Variants in SHC3 observed in about 807,000 individuals in gnomAD.
SHC3 encodes SHC adaptor protein 3, also known as SHC-transforming protein 3.
SHC3 carries 15 observed loss-of-function variants against 60.4 expected under a neutral mutation model. The observed-to-expected ratio is 0.25, with a 90% CI of 0.17 to 0.38. The LOEUF is 0.38. Among genes scored for constraint, SHC3 ranks in the 10% least tolerant of loss-of-function variants. The probability of loss-of-function intolerance (pLI) is 1.00; values close to 1 mark genes in which losing one functional copy is unlikely to be tolerated. For synonymous variants in SHC3, 294 were observed against 325.9 expected (o/e 0.90, Z 1.05); for missense variants, 677 against 786.1 (o/e 0.86, Z 1.66).
In SHC3 at chr9:89,126,031, T is replaced by C. The variant is rs1826159601; in HGVS notation, c.475-13405A>G. Among the ~76,000 whole-genome samples the C allele has an allele frequency of 3.9e-5, 6 of 152,182 alleles. No homozygotes were observed. In the South Asian group the frequency reaches 1.2e-3, roughly 32 times the overall value. On this transcript the variant is annotated intron_variant, in intron 1 of 11. Transcript: ENST00000375835. ...TGTGCGAGATCCAAGAACCCTCTCTTGGGATCTGGATCAGGACCACGTTCA... is the reference window on the plus strand; with the variant it reads ...TGTGCGAGATCCAAGAACCCTCTCTCGGGATCTGGATCAGGACCACGTTCA...
intron 2 of SHC3, among the ~76,000 whole-genome samples, chr9:89,108,632 G>A (rs796537867): frequency 2.1e-4 from 32 of 152,012 alleles, no homozygotes; most frequent in African/African-American, 5.5e-4. Context: ...TCTAATTTAC[G>A]GATAAGATTT....
At chr9:89,150,580 A>G (rs986273971) in intron 1 of SHC3, among the ~76,000 whole-genome samples, 8 of 152,208 alleles carry the variant, frequency 5.3e-5, no homozygotes, top group African/African-American at 1.9e-4. Flanking sequence ...TTGTATGTAT[A>G]TACCACCTTC....
intron 11 of SHC3, among the ~76,000 whole-genome samples, chr9:89,028,456 C>T (rs1345572363): frequency 6.8e-6 from 1 of 147,584 alleles, no homozygotes; most frequent in Non-Finnish European, 1.5e-5. Flanking sequence ...AAAAGTTAAA[C>T]AATTTATATT....
chr9:89,069,635 G>GC (rs1825237471), intron 5 of SHC3, among the ~76,000 whole-genome samples: 1 of 152,242 alleles, frequency 6.6e-6, no homozygotes, highest in Admixed American at 6.5e-5. Flanking sequence ...CCTGCAGAGT[G>GC]CCCTTGGCTC....
chr9:89,127,605 G>T (rs1429345558), intron 1 of SHC3, among the ~76,000 whole-genome samples: 1 of 152,060 alleles, frequency 6.6e-6, no homozygotes, highest in African/African-American at 2.4e-5. Context: ...GACTTTGGAG[G>T]GTGTCAGAAA....
intron 1 of SHC3, among the ~76,000 whole-genome samples, chr9:89,138,197 G>A (rs763693246): frequency 3.9e-5 from 6 of 152,050 alleles, no homozygotes; most frequent in Non-Finnish European, 7.4e-5. Context: ...CCTAAGAGAG[G>A]GTTCTTGAAT....
chr9:89,172,546 GACACAGACACACACAGACACACAC>G (rs1826884427), intron 1 of SHC3, among the ~76,000 whole-genome samples: 2 of 149,330 alleles, frequency 1.3e-5, no homozygotes, highest in African/African-American at 5.0e-5. Flanking sequence ...CACACACGAA[GACACAGACACACACAGACACACAC>G]ACACAGACAC....
At chr9:89,140,339 C>T (rs976736660) in intron 1 of SHC3, among the ~76,000 whole-genome samples, 1 of 151,986 alleles carries the variant, frequency 6.6e-6, no homozygotes, top group African/African-American at 2.4e-5. Flanking sequence ...ACAGATTCCC[C>T]CCCCCAGATT....
chr9:89,112,521 T>C (rs369404249), intron 2 of SHC3, 35 bp downstream of exon 2: 5 of 1,598,272 alleles, frequency 3.1e-6, no homozygotes, highest in Non-Finnish European at 4.3e-6. Context: ...CCTTCAGAAG[T>C]AAAATCACAG....
chr9:89,023,097 C>T (rs572417884), intron 11 of SHC3, among the ~76,000 whole-genome samples: 3 of 152,162 alleles, frequency 2.0e-5, no homozygotes, highest in Non-Finnish European at 2.9e-5. Context: ...GGAGGGCAGG[C>T]GCAGGCTTCC....
chr9:89,112,166 G>A (rs1304818530), intron 2 of SHC3, among the ~76,000 whole-genome samples: 1 of 152,124 alleles, frequency 6.6e-6, no homozygotes, highest in Non-Finnish European at 1.5e-5. Flanking sequence ...TACTCTCTGT[G>A]TATACTGTTG....
intron 1 of SHC3, among the ~76,000 whole-genome samples, chr9:89,147,774 C>T (rs1826491203): frequency 6.6e-6 from 1 of 152,022 alleles, no homozygotes; most frequent in South Asian, 2.1e-4. Context: ...AGCTTTAAGG[C>T]TCTCTGGTGT....
rs944437398 is a variant in SHC3 at position 89,012,526 on chromosome 9, G to C, written c.*921C>G. On this transcript the variant is annotated 3_prime_UTR_variant, in exon 12 of 12. Coordinates refer to ENST00000375835, the MANE Select transcript of SHC3 (RefSeq NM_016848.6). ...GCTTCTCCCCTATTGTATAAGGCGGGCGGGGGACTTTACTAGCAATTACCA... is the reference window on the plus strand; with the variant it reads ...GCTTCTCCCCTATTGTATAAGGCGGCCGGGGGACTTTACTAGCAATTACCA... The C allele has an allele frequency of 9.2e-5, 14 of 152,106 alleles. No homozygotes were observed. Among genetic ancestry groups the C allele is most frequent in the African/African-American group, 3.1e-4 (13 of 41,372 alleles). The allele number at this position is 152,106 out of a possible 1,614,324, so 9.4% of individuals were successfully genotyped here.
At chr9:89,050,261 C>A (rs1824840743) in intron 7 of SHC3, among the ~76,000 whole-genome samples, 1 of 152,026 alleles carries the variant, frequency 6.6e-6, no homozygotes, top group Admixed American at 6.6e-5. Context: ...TTGTGTATAG[C>A]ATTTTTGCAT....
At chr9:89,085,123 T>C (rs1238499821) in intron 2 of SHC3, among the ~76,000 whole-genome samples, 1 of 152,234 alleles carries the variant, frequency 6.6e-6, no homozygotes, top group Non-Finnish European at 1.5e-5. Context: ...CCAAAGCTTC[T>C]GCCCTTTGGA....
intron 11 of SHC3, among the ~76,000 whole-genome samples, chr9:89,019,940 G>T (rs1448234393): frequency 6.6e-6 from 1 of 152,184 alleles, no homozygotes; most frequent in Non-Finnish European, 1.5e-5. Context: ...GAAGCTGGAG[G>T]AAGTGAGGTT....
At chr9:89,153,713 T>C (rs957040713) in intron 1 of SHC3, among the ~76,000 whole-genome samples, 2 of 152,212 alleles carry the variant, frequency 1.3e-5, no homozygotes, top group African/African-American at 2.4e-5. Flanking sequence ...TCACTTGAGC[T>C]AAAAGGCTGA....
At chr9:89,138,985 G>A (rs1364183324) in intron 1 of SHC3, among the ~76,000 whole-genome samples, 1 of 151,650 alleles carries the variant, frequency 6.6e-6, no homozygotes, top group Non-Finnish European at 1.5e-5. Flanking sequence ...ATTCCTACAC[G>A]AAGAGTACAA....
chr9:89,109,134 A>G, intron 2 of SHC3: 2 of 985,316 alleles, frequency 2.0e-6, no homozygotes, highest in East Asian at 1.1e-4. Context: ...ATCCTCTACA[A>G]ACAACATAAA....
Sources: gnomAD v4.1 joint callset for allele counts (sites outside exome capture counted in the v4.1 genomes callset) on GRCh38, gnomAD v4.1.1 for gene constraint, MANE v1.5 for transcripts, NCBI Gene and HGNC (gene_info 2026-07-23, HGNC 2026-07-21) for gene names.